The following IGFBP2 variants were observed in gnomAD, a reference collection of about 807,000 sequenced individuals.
IGFBP2 encodes the protein insulin-like growth factor-binding protein 2.
IGFBP2 carries 12 observed loss-of-function variants against 26.2 expected under a neutral mutation model. The ratio of observed to expected loss-of-function variants is 0.46; its 90% CI spans 0.29 to 0.74. The LOEUF is 0.74. IGFBP2 is among the 30% of genes least tolerant of loss of function. IGFBP2 has a pLI of 0.09. For synonymous variants in IGFBP2, 189 were observed against 200.6 expected, an observed-to-expected ratio of 0.94 and a Z score of 0.49; for missense variants, 328 against 441.2, an observed-to-expected ratio of 0.74 and a Z score of 2.30.
intron 1 of IGFBP2, among the ~76,000 whole-genome samples, chr2:216,649,691 G>A (rs1697780959): frequency 6.6e-6 from 1 of 152,200 alleles, no homozygotes; most frequent in Non-Finnish European, 1.5e-5. Flanking sequence ...GGCTGAATTT[G>A]AGCATGTTTT....
At chr2:216,637,039 C>CA (rs35364535) in intron 1 of IGFBP2, among the ~76,000 whole-genome samples, 12,642 of 149,528 alleles carry the variant, frequency 0.085, 773 homozygotes, top group East Asian at 0.26. Flanking sequence ...AGTGCAGCTT[C>CA]AAAAAAAAAG....
At chr2:216,642,280 G>T (rs1211928249) in intron 1 of IGFBP2, among the ~76,000 whole-genome samples, 1 of 148,318 alleles carries the variant, frequency 6.7e-6, no homozygotes. Flanking sequence ...TTACAGGTGT[G>T]AGCCACCCCG....
At chr2:216,660,482 T>C in intron 1 of IGFBP2, 75 bp from the exon 2 acceptor site, 1 of 1,092,692 alleles carries the variant, frequency 9.2e-7, no homozygotes, top group Non-Finnish European at 1.3e-6. Context: ...ATCATTACGG[T>C]CCAGGTGGCT....
At chr2:216,659,807 A>G (rs1456780114) in intron 1 of IGFBP2, 1 of 1,367,006 alleles carries the variant, frequency 7.3e-7, no homozygotes, top group Non-Finnish European at 1.0e-6. Context: ...TCTCAGTATA[A>G]TGGGGTTGGG....
chr2:216,655,082 C>CT (rs1293192193), intron 1 of IGFBP2, among the ~76,000 whole-genome samples: 1 of 152,156 alleles, frequency 6.6e-6, no homozygotes, highest in African/African-American at 2.4e-5. Context: ...GGGGCTCACT[C>CT]TGTCACCCAG....
chr2:216,649,354 G>A (rs994758578), intron 1 of IGFBP2, among the ~76,000 whole-genome samples: 2 of 152,158 alleles, frequency 1.3e-5, no homozygotes, highest in Middle Eastern at 3.2e-3. Flanking sequence ...GTTGCTAATA[G>A]TGTTTTTACA....
At chr2:216,643,472 T>G (rs1259917241) in intron 1 of IGFBP2, among the ~76,000 whole-genome samples, 1 of 152,050 alleles carries the variant, frequency 6.6e-6, no homozygotes. Flanking sequence ...GATGCTTGAG[T>G]CTCTGAGGGT....
chr2:216,643,212 T>A (rs560098980), intron 1 of IGFBP2, among the ~76,000 whole-genome samples: 1 of 152,284 alleles, frequency 6.6e-6, no homozygotes, highest in South Asian at 2.1e-4. Flanking sequence ...GATATGTTCT[T>A]GCTACATTGT....
At chr2:216,637,010 CACTGA>C (rs1359101072) in intron 1 of IGFBP2, among the ~76,000 whole-genome samples, 2 of 151,970 alleles carry the variant, frequency 1.3e-5, no homozygotes, top group Non-Finnish European at 2.9e-5. Context: ...AAGAGGCAAG[CACTGA>C]TTTACAGTGG....
At chr2:216,642,911 G>A (rs1271174980) in intron 1 of IGFBP2, among the ~76,000 whole-genome samples, 1 of 152,172 alleles carries the variant, frequency 6.6e-6, no homozygotes. Context: ...TACATCTCTG[G>A]GTGGGGGAAG....
At chr2:216,649,021 G>A (rs1376125268) in intron 1 of IGFBP2, among the ~76,000 whole-genome samples, 1 of 152,124 alleles carries the variant, frequency 6.6e-6, no homozygotes, top group Non-Finnish European at 1.5e-5. Flanking sequence ...TTGTCCACTA[G>A]CACGCAGTAC....
intron 1 of IGFBP2, among the ~76,000 whole-genome samples, chr2:216,658,960 G>C (rs923904174): frequency 1.2e-4 from 18 of 152,218 alleles, no homozygotes; most frequent in African/African-American, 3.9e-4. Flanking sequence ...GCACAGAGAG[G>C]GTCTGTGTGG....
chr2:216,655,909 A>AC (rs1697913166), intron 1 of IGFBP2, among the ~76,000 whole-genome samples: 1 of 152,282 alleles, frequency 6.6e-6, no homozygotes, highest in East Asian at 1.9e-4. Context: ...AAACAAAAAA[A>AC]AAAAATCAAA....
chr2:216,644,275 G>A (rs552078384), intron 1 of IGFBP2, among the ~76,000 whole-genome samples: 1 of 152,288 alleles, frequency 6.6e-6, no homozygotes, highest in African/African-American at 2.4e-5. Context: ...GGGCAGGAGG[G>A]AAGATTGGGG....
rs1697422694 is a variant in IGFBP2, at chr2:216,633,465, C to T, written c.-59C>T. ...GGCTCCCGCGCTCGCAGGGCCGTGC[C>T]ACCTGCCCGCCCGCCCGCTCGCTCG... is the stretch of plus-strand genomic sequence containing the variant. On this transcript the variant is annotated 5_prime_UTR_variant, in exon 1 of 4. Coordinates refer to ENST00000233809, the MANE Select transcript of IGFBP2 (RefSeq NM_000597.3). 2.7e-6 allele frequency: 1 copy of T among 366,198 alleles called. No homozygotes were observed. Among genetic ancestry groups the T allele is most frequent in the Non-Finnish European group, 3.8e-6 (1 of 261,444 alleles). 22.7% of individuals were successfully genotyped at this position (366,198 alleles called of 1,614,324 possible). A position where few individuals can be genotyped will look rare whatever the true frequency, so the allele number is the denominator to read the frequency against.
intron 3 of IGFBP2, chr2:216,663,727 G>A (rs369908431): frequency 9.8e-5 from 49 of 501,480 alleles, no homozygotes; most frequent in African/African-American, 5.8e-4. Context: ...GTTGGAGCTC[G>A]CTAGCGATGC....
Position 216,649,986 on chromosome 2 carries a change from G to C in IGFBP2, c.443-10571G>C, listed in dbSNP as rs759615559. Reference sequence around the variant, plus strand: ...ACCCATGAGTGGATGAGCTTACAAGGCTGTGTCTCTGCAAAGCTTATACCC... The same window carrying C: ...ACCCATGAGTGGATGAGCTTACAAGCCTGTGTCTCTGCAAAGCTTATACCC... On this transcript the variant is annotated intron_variant, in intron 1 of 3. Transcript: ENST00000233809. Among the ~76,000 whole-genome samples the C allele has an allele frequency of 2.0e-5, 3 of 152,210 alleles. No homozygotes were observed. The East Asian group carries it at 5.8e-4, about 29-fold the overall frequency.
chr2:216,649,039 G>A (rs1248451341), intron 1 of IGFBP2, among the ~76,000 whole-genome samples: 1 of 152,196 alleles, frequency 6.6e-6, no homozygotes, highest in East Asian at 1.9e-4. Context: ...TACTTACTTA[G>A]TGTTTATCTT....
At chr2:216,643,207 G>A (rs1320612717) in intron 1 of IGFBP2, among the ~76,000 whole-genome samples, 4 of 152,144 alleles carry the variant, frequency 2.6e-5, no homozygotes, top group Non-Finnish European at 4.4e-5. Flanking sequence ...AAAGTGATAT[G>A]TTCTTGCTAC....
Sources: allele counts gnomAD v4.1 joint callset (sites outside exome capture counted in the v4.1 genomes callset), GRCh38; gene constraint gnomAD v4.1.1; transcripts MANE v1.5; gene names NCBI Gene and HGNC (gene_info 2026-07-23, HGNC 2026-07-21).